Variants in ZDHHC6 observed in about 807,000 individuals in gnomAD.
ZDHHC6 encodes palmitoyltransferase ZDHHC6.
A neutral mutation model predicts 57.8 loss-of-function variants in ZDHHC6; 32 were observed. That is an observed-to-expected ratio of 0.55 (90% CI 0.42 to 0.74). ZDHHC6 has a LOEUF of 0.74. ZDHHC6 is among the 30% of genes least tolerant of loss of function. ZDHHC6 has a pLI of 0.00. For missense variants in ZDHHC6, 433 were observed against 500.7 expected, an observed-to-expected ratio of 0.86 and a Z score of 1.29; for synonymous variants, 128 against 158.0, an observed-to-expected ratio of 0.81 and a Z score of 1.42.
At chr10:112,427,248 T>C, downstream of ZDHHC6, 1 of 1,613,112 alleles carries the variant, frequency 6.2e-7, no homozygotes, top group Non-Finnish European at 8.5e-7. Flanking sequence ...TCCAGAGCCA[T>C]TTTCCATTGA....
At chr10:112,425,321 T>G, downstream of ZDHHC6, 1 of 1,591,398 alleles carries the variant, frequency 6.3e-7, no homozygotes, top group South Asian at 1.1e-5. Flanking sequence ...ACTGATACTT[T>G]TATCTGTCTC....
At chr10:112,440,913 T>G (rs918688770) in intron 4 of ZDHHC6, among the ~76,000 whole-genome samples, 5 of 152,230 alleles carry the variant, frequency 3.3e-5, no homozygotes, top group Non-Finnish European at 7.3e-5. Context: ...TGGCACGATC[T>G]CGACTCACTG....
chr10:112,424,481 GT>G (rs1844593874), exon 12 of ZDHHC6: 1 of 152,146 alleles, frequency 6.6e-6, no homozygotes, highest in African/African-American at 2.4e-5. Context: ...TAATATATTT[GT>G]TTCTGTCTAG....
intron 5 of ZDHHC6, among the ~76,000 whole-genome samples, chr10:112,438,724 T>C (rs988011994): frequency 3.3e-5 from 5 of 152,184 alleles, no homozygotes; most frequent in Non-Finnish European, 7.3e-5. Context: ...CAGTGCTTAC[T>C]TATAATTTGC....
intron 4 of ZDHHC6, among the ~76,000 whole-genome samples, 183 bp downstream of exon 4, chr10:112,442,009 T>C (rs1846163544): frequency 6.6e-6 from 1 of 152,212 alleles, no homozygotes; most frequent in Non-Finnish European, 1.5e-5. Context: ...TACTCTTTCC[T>C]CATCTTAAAA....
chr10:112,442,042 A>C (rs1846167092), intron 4 of ZDHHC6, 150 bp downstream of exon 4: 1 of 879,194 alleles, frequency 1.1e-6, no homozygotes, highest in South Asian at 2.5e-5. Flanking sequence ...TGCTTTCTAA[A>C]AAGGAACCCA....
At chr10:112,425,337 G>GA, downstream of ZDHHC6, 1 of 1,610,416 alleles carries the variant, frequency 6.2e-7, no homozygotes, top group Non-Finnish European at 8.5e-7. Context: ...GTCTCATGTA[G>GA]AATGGAACTC....
chr10:112,425,597 A>T, downstream of ZDHHC6: 11 of 440,582 alleles, frequency 2.5e-5, no homozygotes, highest in Non-Finnish European at 1.3e-5. Flanking sequence ...TATAAAACTA[A>T]AAAAAAAAAA....
rs547085259 is a variant in ZDHHC6 at position 112,446,853 on chromosome 10, G to C, written c.-363C>G. 1.1e-5 allele frequency: 2 copies of C among 185,708 alleles called. No individual in the cohort carries two copies. The highest frequency in any genetic ancestry group is 3.0e-4 in the South Asian group (2 of 6,612). The allele number at this position is 185,708 out of a possible 1,614,324, so 11.5% of individuals were successfully genotyped here. A position where few individuals can be genotyped will look rare whatever the true frequency, so the allele number is the denominator to read the frequency against. On this transcript the variant is annotated 5_prime_UTR_variant, in exon 1 of 11. Coordinates refer to ENST00000369405, the MANE Select transcript of ZDHHC6 (RefSeq NM_022494.3). ...AGAGAGCAAACCCTGGCAGCGAGAG[G>C]CTGGAGTGCGGGACCTGCTACAAGC...
In ZDHHC6 at chr10:112,438,248, A is replaced by G; in HGVS notation, c.735+88T>C. The G allele has an allele frequency of 4.1e-6, 4 of 969,854 alleles. 1 individual carries two copies. The South Asian group carries it at 8.9e-5, about 22-fold the overall frequency. The allele number at this position is 969,854 out of a possible 1,614,324, so 60.1% of individuals were successfully genotyped here. On this transcript the variant is annotated intron_variant, in intron 6 of 10. Transcript: ENST00000369405. ...TAGGCACTTTTCGTTAATCCGGTCTAATAACAGACTTTATTAATATTCAGG... is the reference window on the plus strand; with the variant it reads ...TAGGCACTTTTCGTTAATCCGGTCTGATAACAGACTTTATTAATATTCAGG...
At chr10:112,442,418 T>C (rs1846206141) in intron 3 of ZDHHC6, 67 bp from the exon 4 acceptor site, 3 of 1,483,936 alleles carry the variant, frequency 2.0e-6, no homozygotes, top group Non-Finnish European at 2.7e-6. Flanking sequence ...ACTTTGGTCT[T>C]CAAAAGATCA....
At chr10:112,431,369 A>G (rs1388543782) in intron 10 of ZDHHC6, among the ~76,000 whole-genome samples, 1 of 151,338 alleles carries the variant, frequency 6.6e-6, no homozygotes, top group Non-Finnish European at 1.5e-5. Context: ...GCTGTAGTGC[A>G]GTGGCACGAT....
chr10:112,437,884 T>C (rs7070744), intron 6 of ZDHHC6, among the ~76,000 whole-genome samples: 79,994 of 152,060 alleles, frequency 0.53, 21,704 homozygotes, highest in South Asian at 0.61. Flanking sequence ...TTGTGTTTCA[T>C]GCTAGAATCA....
At chr10:112,437,737 GC>G (rs1453939192) in intron 6 of ZDHHC6, among the ~76,000 whole-genome samples, 1 of 152,152 alleles carries the variant, frequency 6.6e-6, no homozygotes, top group Non-Finnish European at 1.5e-5. Flanking sequence ...GGTCTGCCAG[GC>G]AATTCTTTGG....
intron 3 of ZDHHC6, 64 bp from the exon 4 acceptor site, chr10:112,442,415 T>G (rs1846205681): frequency 1.3e-6 from 2 of 1,511,366 alleles, no homozygotes; most frequent in Non-Finnish European, 1.8e-6. Context: ...ATAACTTTGG[T>G]CTTCAAAAGA....
chr10:112,429,960 A>C (rs796784828), downstream of ZDHHC6, among the ~76,000 whole-genome samples: 2 of 75,916 alleles, frequency 2.6e-5, no homozygotes, highest in African/African-American at 1.0e-4. Flanking sequence ...GAGGCCAAGC[A>C]GTTGTTGGGG....
chr10:112,425,154 G>C, exon 12 of ZDHHC6: 1 of 500,838 alleles, frequency 2.0e-6, no homozygotes, highest in South Asian at 3.4e-5. Context: ...AGTAAAGACA[G>C]GTTCTTGCTG....
intron 8 of ZDHHC6, 36 bp from the exon 9 acceptor site, chr10:112,432,557 C>T: frequency 6.3e-7 from 1 of 1,593,908 alleles, no homozygotes; most frequent in Non-Finnish European, 8.5e-7. Context: ...TTTAAATATT[C>T]ACCCATGATA....
upstream of ZDHHC6, chr10:112,447,538 C>T: frequency 7.8e-6 from 12 of 1,534,022 alleles, no homozygotes; most frequent in Non-Finnish European, 1.1e-5. Flanking sequence ...GAACGCCGCC[C>T]GAGTAAGTGT....
Sources: allele counts gnomAD v4.1 joint callset (sites outside exome capture counted in the v4.1 genomes callset), GRCh38; gene constraint gnomAD v4.1.1; transcripts MANE v1.5; gene names NCBI Gene and HGNC (gene_info 2026-07-23, HGNC 2026-07-21).